The following SYT16 variants were observed in gnomAD, a reference collection of about 807,000 sequenced individuals.
SYT16 encodes the protein synaptotagmin 16, also known as synaptotagmin-16.
A neutral mutation model predicts 61.4 loss-of-function variants in SYT16; 42 were observed. The observed-to-expected ratio is 0.68, with a 90% CI of 0.53 to 0.89. SYT16 has a LOEUF of 0.89. SYT16 is among the 40% of genes least tolerant of loss of function. The pLI is 0.00. For missense variants in SYT16, 804 were observed against 807.3 expected, an observed-to-expected ratio of 1.00 and a Z score of 0.05; for synonymous variants, 314 against 302.3, an observed-to-expected ratio of 1.04 and a Z score of -0.40.
intron 1 of SYT16, among the ~76,000 whole-genome samples, chr14:61,958,568 C>T (rs1277688049): frequency 6.6e-6 from 1 of 151,688 alleles, no homozygotes; most frequent in Non-Finnish European, 1.5e-5. Context: ...TGTGAATTTC[C>T]CATTTTTTCT....
chr14:61,876,570 A>G (rs1252293583), intron 1 of SYT16, among the ~76,000 whole-genome samples: 1 of 152,252 alleles, frequency 6.6e-6, no homozygotes, highest in Non-Finnish European at 1.5e-5. Context: ...ACACCGAGGA[A>G]CAGCTGTGAC....
intron 7 of SYT16, among the ~76,000 whole-genome samples, chr14:62,091,764 A>G (rs1160487353): frequency 6.6e-6 from 1 of 152,182 alleles, no homozygotes; most frequent in East Asian, 1.9e-4. Context: ...TGAAGAAAAC[A>G]TAGGGCAAAA....
At chr14:62,024,946 A>G (rs183778597) in intron 3 of SYT16, among the ~76,000 whole-genome samples, 55 of 152,168 alleles carry the variant, frequency 3.6e-4, no homozygotes, top group Admixed American at 9.8e-4. Context: ...ATTTCTCCAT[A>G]TCTTTTCATG....
chr14:61,940,350 T>C (rs2050159443), intron 1 of SYT16, among the ~76,000 whole-genome samples: 1 of 152,130 alleles, frequency 6.6e-6, no homozygotes, highest in Non-Finnish European at 1.5e-5. Flanking sequence ...TAAATGGCTC[T>C]CCTCACGGCC....
intron 3 of SYT16, among the ~76,000 whole-genome samples, chr14:62,046,594 A>G (rs889502023): frequency 2.6e-5 from 4 of 152,214 alleles, no homozygotes; most frequent in Non-Finnish European, 5.9e-5. Flanking sequence ...TAGGTCTAAC[A>G]TTTAAGTCTT....
Position 62,100,765 on chromosome 14 carries a change from C to T in SYT16, c.*58C>T, listed in dbSNP as rs2057401833. 7.8e-6 allele frequency: 12 copies of T among 1,540,084 alleles called. No homozygotes were observed. The highest frequency in any genetic ancestry group is 1.1e-5 in the Non-Finnish European group (12 of 1,139,144). On this transcript the variant is annotated 3_prime_UTR_variant, in exon 8 of 8. Coordinates refer to ENST00000683842, the MANE Select transcript of SYT16 (RefSeq NM_001367656.1). ...CCTTGGTTACCTGTGTTGCTGTCTA[C>T]TGACACTAAGTGTCCTGGCAAGGGT...
chr14:61,932,697 G>A (rs973410899), intron 1 of SYT16, among the ~76,000 whole-genome samples: 1 of 152,154 alleles, frequency 6.6e-6, no homozygotes, highest in Admixed American at 6.5e-5. Context: ...AGTCTGAAAG[G>A]AGACTTGACA....
intron 2 of SYT16, among the ~76,000 whole-genome samples, chr14:61,977,597 C>T (rs999226422): frequency 6.6e-5 from 10 of 152,112 alleles, no homozygotes; most frequent in Non-Finnish European, 1.2e-4. Context: ...TCAGTTACCT[C>T]CACCTGGTCT....
intron 3 of SYT16, among the ~76,000 whole-genome samples, chr14:62,067,751 C>T (rs1285020574): frequency 6.6e-6 from 1 of 152,026 alleles, no homozygotes; most frequent in East Asian, 1.9e-4. Flanking sequence ...GCCTGTAATC[C>T]CAACACTTTG....
intron 1 of SYT16, chr14:61,832,286 CACA>C (rs888178938): frequency 4.2e-5 from 25 of 595,534 alleles, no homozygotes; most frequent in Admixed American, 3.4e-4. Flanking sequence ...CATCGCTCTT[CACA>C]ACATTTCCGT....
intron 1 of SYT16, among the ~76,000 whole-genome samples, chr14:61,858,980 G>A (rs1445309799): frequency 6.6e-6 from 1 of 150,490 alleles, no homozygotes; most frequent in African/African-American, 2.5e-5. Flanking sequence ...TCAGCCTCCC[G>A]AGTAGCTGGG....
chr14:61,867,634 T>C lies in SYT16; in HGVS notation c.-325+54824T>C, dbSNP rs151079362. On this transcript the variant is annotated intron_variant, in intron 1 of 7. Transcript: ENST00000683842. ...CAATATTATTTACAATGAAAATACA[T>C]TACTATTTACAATAAAAAACAATAC... Among the ~76,000 whole-genome samples the C allele has an allele frequency of 9.7e-3, 1,483 of 152,194 alleles. 9 individuals carry two copies. The highest frequency in any genetic ancestry group is 0.034 in the Middle Eastern group (10 of 294).
At chr14:62,024,312 G>C (rs553948355) in intron 3 of SYT16, among the ~76,000 whole-genome samples, 2 of 152,132 alleles carry the variant, frequency 1.3e-5, no homozygotes, top group East Asian at 3.9e-4. Context: ...AATACCAGAA[G>C]AATCAGCTCT....
intron 1 of SYT16, among the ~76,000 whole-genome samples, chr14:61,957,945 G>A (rs1371841952): frequency 1.3e-5 from 2 of 151,784 alleles, no homozygotes; most frequent in Non-Finnish European, 2.9e-5. Context: ...TTTGTTGGGA[G>A]TTTTTTTATT....
intron 3 of SYT16, among the ~76,000 whole-genome samples, chr14:62,054,095 T>A (rs2140897998): frequency 6.6e-6 from 1 of 152,360 alleles, no homozygotes; most frequent in Admixed American, 6.5e-5. Flanking sequence ...TGTGTTTTAT[T>A]ACCTGCTTAT....
intron 3 of SYT16, among the ~76,000 whole-genome samples, chr14:62,031,848 G>A (rs760370898): frequency 1.1e-4 from 17 of 152,132 alleles, no homozygotes; most frequent in Non-Finnish European, 2.1e-4. Context: ...TTCACCCAAA[G>A]AGGAAGGCTT....
At chr14:61,943,194 T>A (rs1484522845) in intron 1 of SYT16, among the ~76,000 whole-genome samples, 1 of 152,146 alleles carries the variant, frequency 6.6e-6, no homozygotes, top group East Asian at 1.9e-4. Context: ...AGAAGTCGAA[T>A]CCCTGAATAG....
chr14:61,920,835 AC>A (rs1332681264), intron 1 of SYT16, among the ~76,000 whole-genome samples: 5 of 152,222 alleles, frequency 3.3e-5, no homozygotes, highest in Admixed American at 2.0e-4. Context: ...TTTCCATTTT[AC>A]AGGTGAGGAA....
chr14:61,945,642 T>G (rs1594977034), intron 1 of SYT16, among the ~76,000 whole-genome samples: 1 of 151,378 alleles, frequency 6.6e-6, no homozygotes, highest in Non-Finnish European at 1.5e-5. Context: ...GATCACGAGG[T>G]CAGGAGATCG....
Sources: allele counts gnomAD v4.1 joint callset (sites outside exome capture counted in the v4.1 genomes callset), GRCh38; gene constraint gnomAD v4.1.1; transcripts MANE v1.5; gene names NCBI Gene and HGNC (gene_info 2026-07-23, HGNC 2026-07-21).